The following PRP4K variants were observed in gnomAD, a reference collection of about 807,000 sequenced individuals.
The protein encoded by PRP4K is pre-mRNA processing factor kinase PRP4K, also known as serine/threonine-protein kinase PRP4 homolog.
the PRP4K span, among the ~76,000 whole-genome samples, chr6:4,055,151 C>G: frequency 6.6e-6 from 1 of 152,276 alleles, no homozygotes; most frequent in African/African-American, 2.4e-5. Flanking sequence ...GTGTAGCAAA[C>G]TGAAGTGCAT....
chr6:4,042,666 A>G, the PRP4K span: 2 of 833,084 alleles, frequency 2.4e-6, no homozygotes, highest in Non-Finnish European at 1.9e-6. Flanking sequence ...GGTCCTTAGA[A>G]AAGGATAGTA....
At chr6:4,056,928 T>A in the PRP4K span, 1 of 1,176,192 alleles carries the variant, frequency 8.5e-7, no homozygotes, top group Non-Finnish European at 1.2e-6. Flanking sequence ...ATGAAGATTG[T>A]GGTTATAGTC....
the PRP4K span, among the ~76,000 whole-genome samples, chr6:4,058,133 C>T: frequency 1.3e-5 from 2 of 152,264 alleles, no homozygotes; most frequent in Admixed American, 1.3e-4. Flanking sequence ...GCCTCAGTCT[C>T]CAATGTAGCT....
the PRP4K span, among the ~76,000 whole-genome samples, chr6:4,050,844 C>G: frequency 6.6e-6 from 1 of 152,080 alleles, no homozygotes; most frequent in Admixed American, 6.6e-5. Flanking sequence ...CCTCAGATAA[C>G]CAAGTGTTAA....
At chr6:4,053,736 T>C in the PRP4K span, among the ~76,000 whole-genome samples, 1 of 152,172 alleles carries the variant, frequency 6.6e-6, no homozygotes, top group Non-Finnish European at 1.5e-5. Flanking sequence ...TATATGCTGG[T>C]AACATTCTGC....
chr6:4,026,964 C>T, the PRP4K span, among the ~76,000 whole-genome samples: 106,386 of 151,986 alleles, frequency 0.7, 37,323 homozygotes, highest in East Asian at 0.77. Context: ...ACAGGTCCCA[C>T]GTACCTGAGA....
At chr6:4,042,645 A>G in the PRP4K span, 1 of 1,026,048 alleles carries the variant, frequency 9.7e-7, no homozygotes, top group Non-Finnish European at 1.5e-6. Flanking sequence ...AGCATTAATA[A>G]CAGTTGAACA....
the PRP4K span, chr6:4,032,596 G>T: frequency 3.7e-6 from 6 of 1,613,972 alleles, no homozygotes; most frequent in Non-Finnish European, 4.2e-6. Context: ...CCAAAACCAC[G>T]TGATAAATCA....
At chr6:4,044,863 ATTT>A in the PRP4K span, among the ~76,000 whole-genome samples, 2 of 132,324 alleles carry the variant, frequency 1.5e-5, no homozygotes, top group Non-Finnish European at 3.1e-5. Flanking sequence ...TATTATTATT[ATTT>A]TTTTTTTTTT....
the PRP4K span, among the ~76,000 whole-genome samples, chr6:4,053,704 C>T: frequency 1.3e-5 from 2 of 152,090 alleles, no homozygotes; most frequent in Admixed American, 6.6e-5. Flanking sequence ...GGGTCGTGTT[C>T]GCAACTTGGA....
chr6:4,032,490 C>G, the PRP4K span: 1 of 1,613,874 alleles, frequency 6.2e-7, no homozygotes, highest in African/African-American at 1.3e-5. Context: ...AGAAAAGAAG[C>G]CAATTAAATC....
At chr6:4,052,054 T>C in the PRP4K span, 6 of 1,602,582 alleles carry the variant, frequency 3.7e-6, no homozygotes, top group Admixed American at 8.6e-5. Context: ...CAGGCACTTC[T>C]ATCACAAGCA....
the PRP4K span, among the ~76,000 whole-genome samples, chr6:4,060,065 A>G: frequency 6.6e-6 from 1 of 152,256 alleles, no homozygotes; most frequent in African/African-American, 2.4e-5. This position sits in a 1 kb window ranked among gnomAD's most constrained non-coding sequence, Gnocchi z 4.7. Flanking sequence ...GTCATGCGTC[A>G]CATAACCACA....
At chr6:4,048,368 G>A in the PRP4K span, among the ~76,000 whole-genome samples, 5 of 117,546 alleles carry the variant, frequency 4.3e-5, no homozygotes, top group Non-Finnish European at 6.9e-5. Context: ...GACAAAGCAA[G>A]ACTCCGTCTC....
chr6:4,049,152 T>C, the PRP4K span: 1 of 1,451,480 alleles, frequency 6.9e-7, no homozygotes, highest in Non-Finnish European at 9.5e-7. Context: ...TGTAACACCA[T>C]GCAAAAGCAT....
chr6:4,029,549 C>CA, the PRP4K span, among the ~76,000 whole-genome samples: 3 of 151,920 alleles, frequency 2.0e-5, no homozygotes, highest in African/African-American at 7.3e-5. Flanking sequence ...GATGAGGTCT[C>CA]ACTCTGTTGC....
chr6:4,056,171 A>T, the PRP4K span: 4 of 598,158 alleles, frequency 6.7e-6, no homozygotes, highest in Middle Eastern at 4.5e-4. Flanking sequence ...TAGGAAATTG[A>T]ATTAAAAATA....
At chr6:4,048,304 G>A in the PRP4K span, among the ~76,000 whole-genome samples, 12 of 150,564 alleles carry the variant, frequency 8.0e-5, no homozygotes, top group African/African-American at 2.5e-4. Context: ...GCATGAACCC[G>A]AGAGGCGGAG....
chr6:4,056,733 C>G, the PRP4K span: 1 of 1,515,036 alleles, frequency 6.6e-7, no homozygotes. Flanking sequence ...TTTGTTTTTT[C>G]CTGTTGCCTT....
Sources: allele counts gnomAD v4.1 joint callset (sites outside exome capture counted in the v4.1 genomes callset), GRCh38; gene constraint gnomAD v4.1.1; non-coding constraint Gnocchi (gnomAD v3.1); transcripts MANE v1.5; gene names NCBI Gene and HGNC (gene_info 2026-07-23, HGNC 2026-07-21).